Variants in XKR6 observed in about 807,000 individuals in gnomAD.
XKR6 encodes the protein XK related 6, also known as XK-related protein 6.
Under a neutral mutation model 56.7 loss-of-function variants are expected in XKR6, and 22 were observed. The ratio of observed to expected loss-of-function variants is 0.39; its 90% CI spans 0.28 to 0.55. XKR6 has a LOEUF of 0.55. Ranked by LOEUF, XKR6 falls within the 20% of genes least tolerant of loss-of-function variation. The probability of loss-of-function intolerance (pLI) is 0.66; values close to 1 mark genes in which losing one functional copy is unlikely to be tolerated. For missense variants in XKR6, 852 were observed against 889.0 expected (o/e 0.96, Z 0.53); for synonymous variants, 524 against 387.8 (o/e 1.35, Z -4.13).
chr8:10,923,349 C>T (rs1646541027), intron 2 of XKR6, among the ~76,000 whole-genome samples: 1 of 151,980 alleles, frequency 6.6e-6, no homozygotes, highest in South Asian at 2.1e-4. Context: ...GCCCCTTTTT[C>T]TACCAGACAG....
In XKR6 at chr8:11,005,361, G is replaced by GATATATATATAT. The variant is rs1050511719; in HGVS notation, c.765-80532_765-80531insATATATATATAT. On this transcript the variant is annotated intron_variant, in intron 1 of 2. Coordinates refer to ENST00000416569, the MANE Select transcript of XKR6 (RefSeq NM_173683.4). ...TCTTGGATAAGAAGTGACTGTAGTA[G>GATATATATATAT]ATATAGATATATATATATATACATA... 4.6e-4 allele frequency among the ~76,000 whole-genome samples: 68 copies of GATATATATATAT among 148,884 alleles called. 1 individual carries two copies. Among genetic ancestry groups the GATATATATATAT allele is most frequent in the African/African-American group, 1.7e-3 (65 of 38,478 alleles).
intron 1 of XKR6, among the ~76,000 whole-genome samples, chr8:11,178,305 A>G (rs1802764918): frequency 6.6e-6 from 1 of 152,014 alleles, no homozygotes; most frequent in Non-Finnish European, 1.5e-5. Context: ...TAATAGTAAG[A>G]AACTTTAAAA....
chr8:11,112,628 C>CA (rs1176603305), intron 1 of XKR6, among the ~76,000 whole-genome samples: 11 of 152,054 alleles, frequency 7.2e-5, no homozygotes, highest in Non-Finnish European at 1.0e-4. Flanking sequence ...AAGCATAAAA[C>CA]AACACATCAG....
intron 1 of XKR6, among the ~76,000 whole-genome samples, chr8:11,187,507 A>G (rs1170399922): frequency 6.6e-6 from 1 of 152,242 alleles, no homozygotes; most frequent in East Asian, 1.9e-4. Context: ...TGACAACAGT[A>G]TCATGGAGAA....
At chr8:10,903,891 C>T (rs1219368935) in intron 2 of XKR6, among the ~76,000 whole-genome samples, 2 of 152,198 alleles carry the variant, frequency 1.3e-5, no homozygotes, top group Admixed American at 6.5e-5. Context: ...TGTTCTGTTA[C>T]AGAAGGAGTG....
At chr8:10,949,530 T>G (rs1801656062) in intron 1 of XKR6, among the ~76,000 whole-genome samples, 3 of 152,148 alleles carry the variant, frequency 2.0e-5, no homozygotes, top group Non-Finnish European at 4.4e-5. Flanking sequence ...AACAGTCACC[T>G]GAAAAGAGGG....
At chr8:11,112,277 CT>C (rs1418774333) in intron 1 of XKR6, among the ~76,000 whole-genome samples, 2 of 152,172 alleles carry the variant, frequency 1.3e-5, no homozygotes, top group Non-Finnish European at 2.9e-5. Flanking sequence ...GCATCTCATA[CT>C]TTTAGAAACT....
At chr8:11,198,162 T>C (rs1803993811) in intron 1 of XKR6, among the ~76,000 whole-genome samples, 1 of 152,206 alleles carries the variant, frequency 6.6e-6, no homozygotes, top group Non-Finnish European at 1.5e-5. Context: ...CAAGCAATTG[T>C]TTGCCGAAAG....
In XKR6 at chr8:10,924,656, C is replaced by T; in HGVS notation, c.939G>A (p.Lys313=). The change falls in exon 2 of 3, where the codon AAG becomes AAA. Residue 313 remains lysine, a synonymous_variant. Coordinates refer to ENST00000416569, the MANE Select transcript of XKR6 (RefSeq NM_173683.4). The part of the protein sequence containing the change: ...LVLQLYIMLQ[K]NSAETLPCVS... ...CACAGGGCAGGGTCTCGGCGCTGTT[C>T]TTCTGGAGCATGATGTAGAGCTGTA... is the stretch of plus-strand genomic sequence containing the variant. 1 of 1,609,282 alleles carries T rather than the reference C, an allele frequency of 6.2e-7. No individual in the cohort carries two copies. Among genetic ancestry groups the T allele is most frequent in the East Asian group, 2.2e-5 (1 of 44,768 alleles).
At chr8:11,025,242 T>C (rs945439058) in intron 1 of XKR6, among the ~76,000 whole-genome samples, 7 of 152,354 alleles carry the variant, frequency 4.6e-5, no homozygotes, top group Non-Finnish European at 1.0e-4. Context: ...GCCAGATTCA[T>C]GTCTACTCGA....
intron 1 of XKR6, among the ~76,000 whole-genome samples, chr8:11,161,288 T>C (rs570416652): frequency 7.9e-5 from 12 of 152,322 alleles, no homozygotes; most frequent in African/African-American, 2.6e-4. Context: ...CACCAGTACC[T>C]ACCTTGGTAA....
chr8:11,149,576 G>A (rs544949120), intron 1 of XKR6, among the ~76,000 whole-genome samples: 15 of 151,748 alleles, frequency 9.9e-5, no homozygotes, highest in Admixed American at 7.2e-4. Context: ...AAAAGCTAAT[G>A]AGATGAAAAT....
At chr8:11,003,690 G>A (rs1034615247) in intron 1 of XKR6, among the ~76,000 whole-genome samples, 1 of 152,182 alleles carries the variant, frequency 6.6e-6, no homozygotes, top group Admixed American at 6.5e-5. Context: ...TGTAAGAACT[G>A]GGATTCTGGA....
intron 1 of XKR6, among the ~76,000 whole-genome samples, chr8:11,070,952 C>G (rs1312970293): frequency 6.6e-6 from 1 of 152,174 alleles, no homozygotes; most frequent in Non-Finnish European, 1.5e-5. Flanking sequence ...ACAAATCAAC[C>G]AACCCATCAC....
At chr8:11,060,955 C>A (rs1799818048) in intron 1 of XKR6, among the ~76,000 whole-genome samples, 3 of 152,156 alleles carry the variant, frequency 2.0e-5, no homozygotes, top group African/African-American at 7.2e-5. Context: ...AATGGCTCAA[C>A]AAGGAGAAAC....
chr8:11,034,496 G>A (rs1425761276), intron 1 of XKR6, among the ~76,000 whole-genome samples: 2 of 152,196 alleles, frequency 1.3e-5, no homozygotes, highest in African/African-American at 4.8e-5. Context: ...CAGAGAATAT[G>A]GGTACCTGAA....
intron 1 of XKR6, among the ~76,000 whole-genome samples, chr8:11,019,751 G>A (rs1267624939): frequency 1.3e-5 from 2 of 152,198 alleles, no homozygotes; most frequent in Non-Finnish European, 2.9e-5. Context: ...AGGCTAACAC[G>A]GTTAATTGGT....
At chr8:11,091,122 C>G (rs1798054305) in intron 1 of XKR6, among the ~76,000 whole-genome samples, 1 of 152,098 alleles carries the variant, frequency 6.6e-6, no homozygotes, top group Non-Finnish European at 1.5e-5. Context: ...CAAGCAAGGG[C>G]TATTGCTAGA....
At chr8:10,947,192 T>C (rs918961008) in intron 1 of XKR6, among the ~76,000 whole-genome samples, 1 of 152,118 alleles carries the variant, frequency 6.6e-6, no homozygotes, top group Non-Finnish European at 1.5e-5. Flanking sequence ...GGGGAAATCA[T>C]AGCTCTCAGT....
Sources: gnomAD v4.1 joint callset for allele counts (sites outside exome capture counted in the v4.1 genomes callset) on GRCh38, gnomAD v4.1.1 for gene constraint, MANE v1.5 for transcripts, NCBI Gene and HGNC (gene_info 2026-07-23, HGNC 2026-07-21) for gene names.